Variants in FBXO33 observed in about 807,000 individuals in gnomAD.
FBXO33 encodes F-box protein 33, also known as F-box only protein 33.
Under a neutral mutation model 46.3 loss-of-function variants are expected in FBXO33, and 22 were observed. The observed-to-expected ratio is 0.48, with a 90% CI of 0.34 to 0.68. The LOEUF (loss-of-function observed/expected upper bound fraction) is 0.68. FBXO33 is among the 30% of genes least tolerant of loss of function. The probability of loss-of-function intolerance (pLI) is 0.01; values close to 1 mark genes in which losing one functional copy is unlikely to be tolerated. For missense variants in FBXO33, 692 were observed against 708.8 expected (o/e 0.98, Z 0.27); for synonymous variants, 337 against 291.3 (o/e 1.16, Z -1.60).
intron 1 of FBXO33, among the ~76,000 whole-genome samples, chr14:39,421,548 G>A (rs1421776474): frequency 6.6e-6 from 1 of 152,032 alleles, no homozygotes; most frequent in African/African-American, 2.4e-5. Flanking sequence ...GAGTTTATAC[G>A]AAGCAGAAAA....
chr14:39,401,963 A>G (rs1208716981), intron 2 of FBXO33, 102 bp from the exon 3 acceptor site: 4 of 918,544 alleles, frequency 4.4e-6, no homozygotes, highest in Non-Finnish European at 6.5e-6. Context: ...CAATTTTGAG[A>G]TCTATTTTTC....
At chr14:39,431,283 G>A (rs1372061194) in intron 1 of FBXO33, among the ~76,000 whole-genome samples, 2 of 152,156 alleles carry the variant, frequency 1.3e-5, no homozygotes, top group Non-Finnish European at 2.9e-5. Context: ...GCGCCTGTCA[G>A]CTCCATCCCA....
intron 1 of FBXO33, among the ~76,000 whole-genome samples, chr14:39,429,978 G>A (rs1277107494): frequency 1.3e-5 from 2 of 152,204 alleles, no homozygotes; most frequent in African/African-American, 4.8e-5. Context: ...ATCAAGTCTT[G>A]TTCTTACTTG....
intron 1 of FBXO33, among the ~76,000 whole-genome samples, chr14:39,416,642 C>T (rs56804791): frequency 0.086 from 12,989 of 151,910 alleles, 1,819 homozygotes; most frequent in African/African-American, 0.3. Flanking sequence ...GTCAATTTTT[C>T]GGTTCAGTTA....
At chr14:39,407,926 A>G (rs1391770416) in intron 1 of FBXO33, among the ~76,000 whole-genome samples, 3 of 152,164 alleles carry the variant, frequency 2.0e-5, no homozygotes, top group South Asian at 2.1e-4. Flanking sequence ...AAAAGCTCCA[A>G]TTTTTCTACA....
chr14:39,406,196 G>A (rs1246965936), intron 1 of FBXO33, among the ~76,000 whole-genome samples: 2 of 151,898 alleles, frequency 1.3e-5, no homozygotes, highest in African/African-American at 4.8e-5. Context: ...AAAATTAAAG[G>A]CTTCTAAAAG....
chr14:39,414,793 A>G lies in FBXO33; in HGVS notation c.600-12282T>C, dbSNP rs116748604. On this transcript the variant is annotated intron_variant, in intron 1 of 3. Coordinates refer to ENST00000298097, the MANE Select transcript of FBXO33 (RefSeq NM_203301.4). ...CCTCCCACCTCAGCCTCCCAAGTAG[A>G]TGGGAACACAGGTGCACACCACTAT... Among the ~76,000 whole-genome samples, 868 of 152,182 alleles carry G rather than the reference A, an allele frequency of 5.7e-3. 7 individuals carry two copies. Among genetic ancestry groups the G allele is most frequent in the African/African-American group, 0.02 (829 of 41,502 alleles).
chr14:39,412,982 A>G (rs2075430804), intron 1 of FBXO33, among the ~76,000 whole-genome samples: 1 of 152,248 alleles, frequency 6.6e-6, no homozygotes, highest in Admixed American at 6.5e-5. Flanking sequence ...CTCACTGATC[A>G]GGGTGATAGC....
In FBXO33 at chr14:39,400,726, A is replaced by C. The variant is rs1425467147; in HGVS notation, c.1396+450T>G. 2.0e-5 allele frequency among the ~76,000 whole-genome samples: 3 copies of C among 152,220 alleles called. No homozygotes were observed. In the East Asian group the frequency reaches 5.8e-4, roughly 29 times the overall value. On this transcript the variant is annotated intron_variant, in intron 3 of 3. Coordinates refer to ENST00000298097, the MANE Select transcript of FBXO33 (RefSeq NM_203301.4). ...AGAACAGGTCACATTAAAATGAAAGAAGCATATCAATGGAACCATCGTTAA... is the reference window on the plus strand; with the variant it reads ...AGAACAGGTCACATTAAAATGAAAGCAGCATATCAATGGAACCATCGTTAA...
At chr14:39,425,670 A>G (rs888057805) in intron 1 of FBXO33, among the ~76,000 whole-genome samples, 13 of 152,210 alleles carry the variant, frequency 8.5e-5, no homozygotes, top group African/African-American at 3.1e-4. Flanking sequence ...ATGCTAATGA[A>G]CGGTCATAGC....
At chr14:39,419,032 C>G (rs2075465571) in intron 1 of FBXO33, among the ~76,000 whole-genome samples, 1 of 152,126 alleles carries the variant, frequency 6.6e-6, no homozygotes, top group Non-Finnish European at 1.5e-5. Context: ...ACTTTTAAAG[C>G]CAGAAGATTT....
intron 1 of FBXO33, among the ~76,000 whole-genome samples, chr14:39,415,515 G>A (rs1196011785): frequency 3.3e-5 from 5 of 152,012 alleles, no homozygotes; most frequent in Non-Finnish European, 7.4e-5. Flanking sequence ...ATTACCATGT[G>A]GTATATATAA....
At chr14:39,403,096 T>C (rs1014326395) in intron 1 of FBXO33, among the ~76,000 whole-genome samples, 1 of 152,162 alleles carries the variant, frequency 6.6e-6, no homozygotes, top group Non-Finnish European at 1.5e-5. Context: ...TGACAAACTA[T>C]GTAAGCTCTA....
intron 1 of FBXO33, among the ~76,000 whole-genome samples, chr14:39,412,214 TA>T (rs763436441): frequency 1.3e-5 from 2 of 152,228 alleles, no homozygotes; most frequent in African/African-American, 2.4e-5. Context: ...GGTATGTTAA[TA>T]TTTGCTTTAC....
At chr14:39,408,511 C>A (rs150951500) in intron 1 of FBXO33, among the ~76,000 whole-genome samples, 2 of 151,906 alleles carry the variant, frequency 1.3e-5, no homozygotes, top group African/African-American at 4.8e-5. Flanking sequence ...TATTTAACTT[C>A]CATTTCTCTT....
chr14:39,420,534 A>T (rs2075477433), intron 1 of FBXO33, among the ~76,000 whole-genome samples: 1 of 152,112 alleles, frequency 6.6e-6, no homozygotes, highest in African/African-American at 2.4e-5. Flanking sequence ...AAAAATACAA[A>T]AAATTAGCCA....
intron 1 of FBXO33, among the ~76,000 whole-genome samples, chr14:39,413,506 G>C (rs1215865156): frequency 6.6e-6 from 1 of 152,204 alleles, no homozygotes; most frequent in Non-Finnish European, 1.5e-5. Context: ...CATGAATCAT[G>C]AATGTTCTGA....
intron 1 of FBXO33, among the ~76,000 whole-genome samples, chr14:39,418,724 G>A (rs1344401279): frequency 1.4e-5 from 2 of 147,496 alleles, no homozygotes; most frequent in Admixed American, 6.8e-5. Context: ...GCAGTGAGCC[G>A]AGATCGCGCC....
intron 1 of FBXO33, among the ~76,000 whole-genome samples, chr14:39,424,350 A>T (rs1212790944): frequency 6.6e-6 from 1 of 152,226 alleles, no homozygotes; most frequent in African/African-American, 2.4e-5. Flanking sequence ...GAGATACTGT[A>T]ATTTCACTTA....
Sources: gnomAD v4.1 joint callset for allele counts (sites outside exome capture counted in the v4.1 genomes callset) on GRCh38, gnomAD v4.1.1 for gene constraint, MANE v1.5 for transcripts, NCBI Gene and HGNC (gene_info 2026-07-23, HGNC 2026-07-21) for gene names.